Variants in RYR2 observed in about 807,000 individuals in gnomAD.
RYR2 encodes the protein ryanodine receptor 2, also known as cardiac muscle ryanodine receptor-calcium release channel.
In RYR2, 227 loss-of-function variants were observed where a neutral mutation model predicts 601.1. The ratio of observed to expected loss-of-function variants is 0.38; its 90% CI spans 0.34 to 0.42. The LOEUF is 0.42. RYR2 is among the 10% of genes least tolerant of loss of function. The pLI, the probability that RYR2 is intolerant of heterozygous loss-of-function variation, is 1.00. For missense variants in RYR2, 4,646 were observed against 6,156.5 expected (o/e 0.75, Z 8.21); for synonymous variants, 2,223 against 2,175.1 (o/e 1.02, Z -0.61).
intron 29 of RYR2, among the ~76,000 whole-genome samples, chr1:237,575,536 C>A (rs1260799330): frequency 6.6e-6 from 1 of 151,870 alleles, no homozygotes; most frequent in Non-Finnish European, 1.5e-5. Flanking sequence ...TCTCTTCTTT[C>A]CCCCCACCCC....
intron 1 of RYR2, among the ~76,000 whole-genome samples, chr1:237,104,324 C>T (rs376533610): frequency 7.9e-5 from 12 of 152,132 alleles, no homozygotes; most frequent in East Asian, 1.9e-4. Context: ...CTGCCAAGGA[C>T]GTTTCCTTTG....
At chr1:237,177,095 A>G (rs1442996673) in intron 1 of RYR2, among the ~76,000 whole-genome samples, 1 of 152,178 alleles carries the variant, frequency 6.6e-6, no homozygotes, top group Non-Finnish European at 1.5e-5. Context: ...TATGAACCTC[A>G]TAAGACATGG....
chr1:237,733,676 C>T, intron 78 of RYR2, 29 bp from the exon 79 acceptor site: 3 of 1,548,976 alleles, frequency 1.9e-6, no homozygotes, highest in South Asian at 1.1e-5. Context: ...TCTGCTTAAA[C>T]ACTGATGTTT....
At chr1:237,177,207 A>G (rs1428311871) in intron 1 of RYR2, among the ~76,000 whole-genome samples, 1 of 152,204 alleles carries the variant, frequency 6.6e-6, no homozygotes, top group Non-Finnish European at 1.5e-5. Flanking sequence ...CGATCAAGTC[A>G]ACTGTCTGCT....
At chr1:237,046,940 T>A (rs1303733487) in intron 1 of RYR2, among the ~76,000 whole-genome samples, 1 of 152,156 alleles carries the variant, frequency 6.6e-6, no homozygotes, top group Non-Finnish European at 1.5e-5. Context: ...AGAATAGATA[T>A]AGAGGATGGC....
intron 19 of RYR2, among the ~76,000 whole-genome samples, chr1:237,493,643 A>G (rs370876682): frequency 1.0e-3 from 157 of 152,068 alleles, no homozygotes; most frequent in Admixed American, 2.6e-3. Context: ...TAGTAGAGAC[A>G]GGGTTTCACC....
chr1:237,460,089 A>C (rs1391247739), intron 16 of RYR2, among the ~76,000 whole-genome samples: 1 of 151,668 alleles, frequency 6.6e-6, no homozygotes. Flanking sequence ...TTATGTCTCC[A>C]CTCTGCCTTC....
In RYR2 at chr1:237,566,700, T is replaced by C. The variant is rs1325905816; in HGVS notation, c.3348T>C (p.Gly1116=). ...TCACTGCTGGAGACATGAGGGTTGG[T>C]TGGAGTCGTCCTGGTTGTCAACCGG... ...ETVTAGDMRV[G]WSRPGCQPDQ... is the part of the protein sequence containing the mutation. The change falls in exon 28 of 105, where the codon GGT becomes GGC. Residue 1116 remains glycine (G), a synonymous_variant. Transcript: ENST00000366574. 1.2e-6 allele frequency: 2 copies of C among 1,613,834 alleles called. No individual in the cohort carries two copies. Among genetic ancestry groups the C allele is most frequent in the African/African-American group, 1.3e-5 (1 of 74,918 alleles).
chr1:237,459,022 G>A (rs1659165423), intron 16 of RYR2, among the ~76,000 whole-genome samples: 1 of 152,172 alleles, frequency 6.6e-6, no homozygotes, highest in African/African-American at 2.4e-5. Context: ...AGGCTTTATA[G>A]GAATTTGGAT....
intron 1 of RYR2, among the ~76,000 whole-genome samples, chr1:237,066,872 C>G (rs564060006): frequency 6.6e-6 from 1 of 152,130 alleles, no homozygotes; most frequent in East Asian, 1.9e-4. Flanking sequence ...CTCCTGACCT[C>G]GCAATCCGCC....
At chr1:237,662,633 A>G (rs1396914103) in intron 56 of RYR2, among the ~76,000 whole-genome samples, 2 of 152,188 alleles carry the variant, frequency 1.3e-5, no homozygotes, top group Admixed American at 6.5e-5. Flanking sequence ...AAAATCATGT[A>G]TATTTTATAT....
intron 10 of RYR2, among the ~76,000 whole-genome samples, chr1:237,408,252 T>A (rs1704099874): frequency 6.6e-6 from 1 of 152,008 alleles, no homozygotes; most frequent in Non-Finnish European, 1.5e-5. Flanking sequence ...TCAGGTGTGT[T>A]CTAGATTAGT....
At chr1:237,711,353 A>T (rs559245507) in intron 70 of RYR2, among the ~76,000 whole-genome samples, 2 of 152,242 alleles carry the variant, frequency 1.3e-5, no homozygotes, top group Non-Finnish European at 2.9e-5. Flanking sequence ...AAACAGGTAA[A>T]AAATCTGACA....
intron 1 of RYR2, among the ~76,000 whole-genome samples, chr1:237,157,957 A>G (rs988505505): frequency 1.3e-5 from 2 of 152,244 alleles, no homozygotes; most frequent in Non-Finnish European, 2.9e-5. Flanking sequence ...TGATTTCATC[A>G]TTATACATTG....
chr1:237,255,739 A>G (rs1434238888), intron 1 of RYR2, among the ~76,000 whole-genome samples: 4 of 152,016 alleles, frequency 2.6e-5, no homozygotes, highest in Admixed American at 6.6e-5. Context: ...GATCCTGACT[A>G]TATCAGTTCT....
chr1:237,675,827 CT>C (rs1254185887), intron 60 of RYR2, among the ~76,000 whole-genome samples: 6 of 152,246 alleles, frequency 3.9e-5, no homozygotes, highest in Admixed American at 3.9e-4. Context: ...AATTGAGCAT[CT>C]TTCTCATAAA....
intron 2 of RYR2, among the ~76,000 whole-genome samples, chr1:237,314,321 C>T (rs756792309): frequency 1.1e-4 from 17 of 152,116 alleles, no homozygotes; most frequent in Non-Finnish European, 1.9e-4. Context: ...GCCTCAGCCT[C>T]CCAAAGTGCT....
intron 25 of RYR2, among the ~76,000 whole-genome samples, chr1:237,532,661 A>G (rs920896745): frequency 1.3e-5 from 2 of 152,086 alleles, no homozygotes; most frequent in Non-Finnish European, 1.5e-5. Context: ...CAGAAGAATA[A>G]GAAAGTAGAA....
At position 237,209,497 on chromosome 1, in the gene RYR2, A is replaced by ATATGTGTGTGTGTGTGTGTG. The variant is rs138024057; in HGVS notation, c.49-60999_49-60998insATGTGTGTGTGTGTGTGTGT. ...ATGGTACAGTGTAAAATCTGCATATATGTGTGTGTGTGTGTGTATTTTTTT... is the reference window on the plus strand; with the variant it reads ...ATGGTACAGTGTAAAATCTGCATATATATGTGTGTGTGTGTGTGTGTGTGTGTGTGTGTGTGTATTTTTTT... On this transcript the variant is annotated intron_variant, in intron 1 of 104. Transcript: ENST00000366574. Among the ~76,000 whole-genome samples the ATATGTGTGTGTGTGTGTGTG allele has an allele frequency of 4.4e-3, 637 of 143,348 alleles. 4 individuals are homozygous for ATATGTGTGTGTGTGTGTGTG. Among genetic ancestry groups the ATATGTGTGTGTGTGTGTGTG allele is most frequent in the African/African-American group, 0.015 (601 of 39,458 alleles). The allele number at this position is 143,348 out of a possible 152,430, so 94.0% of individuals were successfully genotyped here.
Sources: gnomAD v4.1 joint callset for allele counts (sites outside exome capture counted in the v4.1 genomes callset) on GRCh38, gnomAD v4.1.1 for gene constraint, MANE v1.5 for transcripts, NCBI Gene and HGNC (gene_info 2026-07-23, HGNC 2026-07-21) for gene names.